LSAMP: variants seen among roughly 807,000 people sequenced by gnomAD.
LSAMP encodes limbic system-associated membrane protein.
Under a neutral mutation model 38.6 loss-of-function variants are expected in LSAMP, and 7 were observed. The ratio of observed to expected loss-of-function variants is 0.18; its 90% CI spans 0.10 to 0.34. The LOEUF is 0.34. Ranked by LOEUF, LSAMP falls within the 10% of genes least tolerant of loss-of-function variation. The probability of loss-of-function intolerance (pLI) is 1.00; values close to 1 mark genes in which losing one functional copy is unlikely to be tolerated. For synonymous variants in LSAMP, 154 were observed against 166.8 expected, an observed-to-expected ratio of 0.92 and a Z score of 0.59; for missense variants, 313 against 420.0, an observed-to-expected ratio of 0.75 and a Z score of 2.23.
chr3:116,068,270 C>T (rs1707508823), intron 2 of LSAMP, among the ~76,000 whole-genome samples: 1 of 152,106 alleles, frequency 6.6e-6, no homozygotes, highest in East Asian at 1.9e-4. Context: ...ATAAACCATT[C>T]CATCCAGAAG....
intron 1 of LSAMP, among the ~76,000 whole-genome samples, chr3:116,115,504 C>T (rs1300087159): frequency 6.6e-6 from 1 of 152,180 alleles, no homozygotes; most frequent in African/African-American, 2.4e-5. Context: ...CTCTCTTTAC[C>T]TCTGTCCTGT....
intron 3 of LSAMP, among the ~76,000 whole-genome samples, chr3:115,859,059 T>C (rs1366997485): frequency 6.6e-6 from 1 of 152,224 alleles, no homozygotes; most frequent in East Asian, 1.9e-4. Context: ...AAAAGATGCC[T>C]GCAGTAGGGT....
intron 2 of LSAMP, among the ~76,000 whole-genome samples, chr3:116,026,122 G>T (rs1184128306): frequency 6.6e-6 from 1 of 152,018 alleles, no homozygotes; most frequent in African/African-American, 2.4e-5. Flanking sequence ...ATTTAATGGT[G>T]ATTTCTGAAA....
chr3:116,245,399 C>T (rs1033764058), intron 1 of LSAMP, among the ~76,000 whole-genome samples: 44 of 152,162 alleles, frequency 2.9e-4, no homozygotes, highest in African/African-American at 1.0e-3. Flanking sequence ...GATCATGTTA[C>T]TTAGCTTTCC....
intron 3 of LSAMP, among the ~76,000 whole-genome samples, chr3:115,932,983 C>T (rs944169289): frequency 6.6e-6 from 1 of 152,122 alleles, no homozygotes; most frequent in Non-Finnish European, 1.5e-5. Context: ...CGAAACTGAA[C>T]TAGCTCTTGA....
At chr3:116,204,871 C>A (rs1237468655) in intron 1 of LSAMP, among the ~76,000 whole-genome samples, 7 of 144,776 alleles carry the variant, frequency 4.8e-5, no homozygotes, top group South Asian at 2.3e-4. Flanking sequence ...CTTAGGATTG[C>A]CTTGGCGATG....
chr3:116,258,274 T>A (rs1364504554), intron 1 of LSAMP, among the ~76,000 whole-genome samples: 1 of 152,120 alleles, frequency 6.6e-6, no homozygotes, highest in Non-Finnish European at 1.5e-5. Flanking sequence ...ATCTTTTTTT[T>A]ACCATTTATA....
intron 1 of LSAMP, among the ~76,000 whole-genome samples, chr3:116,181,223 G>C (rs1294743446): frequency 6.6e-6 from 1 of 151,802 alleles, no homozygotes; most frequent in African/African-American, 2.4e-5. Flanking sequence ...ACTTCATCCA[G>C]GTATAACTTA....
chr3:116,380,685 A>G (rs923068501), intron 1 of LSAMP, among the ~76,000 whole-genome samples: 1 of 152,104 alleles, frequency 6.6e-6, no homozygotes, highest in African/African-American at 2.4e-5. Context: ...AACTTAATGC[A>G]TTCTGGACAT....
chr3:116,220,176 C>A (rs911810352), intron 1 of LSAMP, among the ~76,000 whole-genome samples: 2 of 64,964 alleles, frequency 3.1e-5, no homozygotes, highest in African/African-American at 8.2e-5. Context: ...GAGTGAGACT[C>A]CATCTCAAAA....
At position 116,220,969 on chromosome 3, in the gene LSAMP, A is replaced by G. The variant is rs533374162; in HGVS notation, c.156-134413T>C. 1.7e-4 allele frequency among the ~76,000 whole-genome samples: 26 copies of G among 152,118 alleles called. No individual in the cohort carries two copies. The East Asian group carries it at 3.5e-3, about 20-fold the overall frequency. ...GGAGATCGAGACCATCCTGGCTAAC[A>G]CGGTGAAACCCCATCTCTACTAAAA... On this transcript the variant is annotated intron_variant, in intron 1 of 6. Transcript: ENST00000490035.
chr3:115,897,650 T>C (rs1936762448), intron 3 of LSAMP, among the ~76,000 whole-genome samples: 1 of 152,188 alleles, frequency 6.6e-6, no homozygotes. Flanking sequence ...TACAAATATC[T>C]TGGTCACCAT....
chr3:115,980,943 C>T (rs1213751510), intron 3 of LSAMP, among the ~76,000 whole-genome samples: 5 of 152,012 alleles, frequency 3.3e-5, no homozygotes, highest in African/African-American at 4.8e-5. Flanking sequence ...TGAAAGGAAA[C>T]GGAGAGGTGA....
chr3:115,813,773 C>T (rs1228403680), intron 6 of LSAMP, among the ~76,000 whole-genome samples: 1 of 152,122 alleles, frequency 6.6e-6, no homozygotes, highest in Non-Finnish European at 1.5e-5. Context: ...GAAGAATAAT[C>T]AGCAAAATCA....
chr3:115,897,048 T>C (rs971949471), intron 3 of LSAMP, among the ~76,000 whole-genome samples: 5 of 152,054 alleles, frequency 3.3e-5, no homozygotes, highest in African/African-American at 9.7e-5. Context: ...GGCTAGCTGA[T>C]GGGGAAGGAA....
intron 1 of LSAMP, among the ~76,000 whole-genome samples, chr3:116,138,792 A>G (rs1027494232): frequency 5.3e-5 from 8 of 150,522 alleles, no homozygotes; most frequent in African/African-American, 1.9e-4. Flanking sequence ...TAATGGCTCT[A>G]GTTGCTGAAG....
At chr3:116,432,312 T>G (rs1270649118) in intron 1 of LSAMP, among the ~76,000 whole-genome samples, 1 of 151,730 alleles carries the variant, frequency 6.6e-6, no homozygotes, top group Non-Finnish European at 1.5e-5. Flanking sequence ...ATGCTTTTAC[T>G]TTTTTACATA....
At chr3:115,901,525 T>G (rs1461109940) in intron 3 of LSAMP, among the ~76,000 whole-genome samples, 1 of 152,164 alleles carries the variant, frequency 6.6e-6, no homozygotes, top group East Asian at 1.9e-4. Context: ...CTTTTTGTTC[T>G]ACTCCCACAA....
intron 1 of LSAMP, among the ~76,000 whole-genome samples, chr3:116,358,987 C>A (rs1244865493): frequency 6.6e-6 from 1 of 152,096 alleles, no homozygotes; most frequent in African/African-American, 2.4e-5. Flanking sequence ...ACATCTTCAC[C>A]ACGTATAAAA....
Sources: allele counts gnomAD v4.1 joint callset (sites outside exome capture counted in the v4.1 genomes callset), GRCh38; gene constraint gnomAD v4.1.1; transcripts MANE v1.5; gene names NCBI Gene and HGNC (gene_info 2026-07-23, HGNC 2026-07-21).